Variants in SQSTM1 observed in about 807,000 individuals in gnomAD.
The protein encoded by SQSTM1 is sequestosome 1.
SQSTM1 carries 36 observed loss-of-function variants against 45.1 expected under a neutral mutation model. That is an observed-to-expected ratio of 0.80 (90% CI 0.61 to 1.05). SQSTM1 has a LOEUF of 1.05. Ranked by LOEUF, SQSTM1 falls within the 50% of genes least tolerant of loss-of-function variation. SQSTM1 has a pLI of 0.00. For missense variants in SQSTM1, 617 were observed against 607.1 expected (o/e 1.02, Z -0.17); for synonymous variants, 290 against 244.3 (o/e 1.19, Z -1.74).
chr5:179,810,719 T>A (rs1322216899), intron 1 of SQSTM1, among the ~76,000 whole-genome samples: 1 of 152,250 alleles, frequency 6.6e-6, no homozygotes, highest in Non-Finnish European at 1.5e-5. Context: ...TGAACTAGTT[T>A]ACAGTCCCAC....
rs1758599077 is a variant in SQSTM1 at position 179,837,012 on chromosome 5, T to C, written c.*419T>C. 4 of 617,750 alleles carry C rather than the reference T, an allele frequency of 6.5e-6. No individual in the cohort carries two copies. The highest frequency in any genetic ancestry group is 2.7e-5 in the East Asian group (1 of 36,634). 38.3% of individuals were successfully genotyped at this position (617,750 alleles called of 1,614,324 possible). On this transcript the variant is annotated 3_prime_UTR_variant, in exon 8 of 8. Coordinates refer to ENST00000389805, the MANE Select transcript of SQSTM1 (RefSeq NM_003900.5). The stretch of plus-strand genomic sequence containing the variant: ...TGGTACACTCTGATTTTAGATAAAG[T>C]AAGCCTAGGTGTTGTCAGCAGGCAG...
chr5:179,818,778 A>AG (rs1757658740), upstream of SQSTM1: 1 of 152,398 alleles, frequency 6.6e-6, no homozygotes, highest in Admixed American at 6.5e-5. Context: ...CCCATTTGAA[A>AG]GATGAGGAAA....
Position 179,836,751 on chromosome 5 carries a change from C to T in SQSTM1, c.*158C>T. On this transcript the variant is annotated 3_prime_UTR_variant, in exon 8 of 8. Coordinates refer to ENST00000389805, the MANE Select transcript of SQSTM1 (RefSeq NM_003900.5). ...CCATTTAGGGCAGCAAAACAAGTGA[C>T]ATGAAGGGAGGGTCCCTGTGTGTGT... 2.7e-6 allele frequency: 3 copies of T among 1,101,000 alleles called. No homozygotes were observed. Among genetic ancestry groups the T allele is most frequent in the African/African-American group, 1.5e-5 (1 of 64,964 alleles). The allele number at this position is 1,101,000 out of a possible 1,614,324, so 68.2% of individuals were successfully genotyped here. A position where few individuals can be genotyped will look rare whatever the true frequency, so the allele number is the denominator to read the frequency against.
At chr5:179,807,443 A>G (rs983433363) in intron 1 of SQSTM1, 1 of 152,248 alleles carries the variant, frequency 6.6e-6, no homozygotes, top group African/African-American at 2.4e-5. Flanking sequence ...TCTAGGCGGT[A>G]TCAGGGCCGA....
intron 5 of SQSTM1, among the ~76,000 whole-genome samples, chr5:179,832,599 C>T (rs1329072756): frequency 6.6e-6 from 1 of 152,242 alleles, no homozygotes; most frequent in Non-Finnish European, 1.5e-5. Context: ...CCTGGCCCCA[C>T]CTGCCGTGTG....
chr5:179,835,391 G>C (rs1582026867), intron 7 of SQSTM1: 1 of 161,514 alleles, frequency 6.2e-6, no homozygotes, highest in Non-Finnish European at 1.4e-5. Flanking sequence ...TCCAGCCTGG[G>C]CACCATTGAG....
intron 5 of SQSTM1, among the ~76,000 whole-genome samples, chr5:179,828,185 CTT>C (rs1758073564): frequency 1.3e-5 from 2 of 152,156 alleles, no homozygotes; most frequent in South Asian, 4.1e-4. Context: ...CCTGTCCAGT[CTT>C]ACGACAAGGC....
At chr5:179,829,067 C>G (rs892533574) in intron 5 of SQSTM1, among the ~76,000 whole-genome samples, 10 of 152,180 alleles carry the variant, frequency 6.6e-5, no homozygotes, top group African/African-American at 2.4e-4. Context: ...GGAGTGTCAG[C>G]TAGAGACTTC....
chr5:179,808,653 TA>T (rs1293072640), intron 1 of SQSTM1, among the ~76,000 whole-genome samples: 3 of 150,930 alleles, frequency 2.0e-5, no homozygotes, highest in African/African-American at 4.9e-5. Flanking sequence ...CCGTCTCTAC[TA>T]AAAAATACAA....
intron 1 of SQSTM1, chr5:179,822,736 A>T (rs1010097814): frequency 8.1e-6 from 5 of 614,376 alleles, no homozygotes; most frequent in Admixed American, 6.6e-5. Context: ...CGCCCCCTGC[A>T]TGTGGCTGTG....
chr5:179,828,986 G>A (rs1250867988), intron 5 of SQSTM1, among the ~76,000 whole-genome samples: 2 of 152,110 alleles, frequency 1.3e-5, no homozygotes, highest in Non-Finnish European at 2.9e-5. Context: ...CATCTGTTCA[G>A]GTACCAGGAA....
intron 5 of SQSTM1, among the ~76,000 whole-genome samples, chr5:179,831,390 A>T (rs552054763): frequency 6.6e-6 from 1 of 152,366 alleles, no homozygotes; most frequent in African/African-American, 2.4e-5. Context: ...GGCTGGGTGC[A>T]GTGGCTCATG....
At chr5:179,813,706 C>T (rs1291822003) in intron 2 of SQSTM1, 4 of 152,056 alleles carry the variant, frequency 2.6e-5, no homozygotes, top group Non-Finnish European at 5.9e-5. Flanking sequence ...ACAGTGAGCT[C>T]TAATTGCCAC....
At chr5:179,832,907 TAGC>T (rs1176156989) in intron 5 of SQSTM1, 122 bp from the exon 6 acceptor site, 4 of 980,428 alleles carry the variant, frequency 4.1e-6, no homozygotes, top group Non-Finnish European at 6.4e-6. Context: ...TCCAGACACT[TAGC>T]TGCTTGTGGG....
chr5:179,822,875 C>A, intron 1 of SQSTM1, 83 bp from the exon 2 acceptor site: 1 of 1,189,814 alleles, frequency 8.4e-7, no homozygotes, highest in Non-Finnish European at 1.3e-6. Context: ...GTGTCCCTTT[C>A]ATACTTGCCT....
chr5:179,806,670 G>GGCGGCGGCGGCAGGGGCC lies in SQSTM1; in HGVS notation c.-157+80_-157+97dup, dbSNP rs1233020014. The GGCGGCGGCGGCAGGGGCC allele has an allele frequency of 1.6e-6, 1 of 630,908 alleles. No homozygotes were observed. The highest frequency in any genetic ancestry group is 2.0e-5 in the African/African-American group (1 of 49,310). 39.1% of individuals were successfully genotyped at this position (630,908 alleles called of 1,614,324 possible). ...CGGGGCGCAGGGGTCGGAAGGCGGC[G>GGCGGCGGCGGCAGGGGCC]GCGGCGGCGGCAGGGGCCCCGGCCC... On this transcript the variant is annotated intron_variant, in intron 1 of 5. Transcript: ENST00000514093. The surrounding 1 kb of genome is among the most constrained non-coding windows in gnomAD (Gnocchi z 4.6).
At position 179,837,419 on chromosome 5, in the gene SQSTM1, G is replaced by A; in HGVS notation, c.*826G>A. The A allele has an allele frequency of 6.2e-7, 1 of 1,602,592 alleles. No homozygotes were observed. Among genetic ancestry groups the A allele is most frequent in the Middle Eastern group, 1.7e-4 (1 of 5,984 alleles). On this transcript the variant is annotated 3_prime_UTR_variant, in exon 8 of 8. Coordinates refer to ENST00000389805, the MANE Select transcript of SQSTM1 (RefSeq NM_003900.5). Reference sequence around the variant, plus strand: ...CACATCATCATCGAAGTCTTCCCCAGTTATAAAGAGGTCACATAGTCGTGT... The same window carrying A: ...CACATCATCATCGAAGTCTTCCCCAATTATAAAGAGGTCACATAGTCGTGT...
upstream of SQSTM1, among the ~76,000 whole-genome samples, chr5:179,817,062 C>G (rs1461949800): frequency 6.9e-6 from 1 of 144,412 alleles, no homozygotes; most frequent in East Asian, 2.3e-4. Flanking sequence ...AGGCCTTCCG[C>G]GGGCGTGCAC....
chr5:179,836,262 G>T (rs1428707572), intron 7 of SQSTM1, 174 bp from the exon 8 acceptor site: 2 of 813,844 alleles, frequency 2.5e-6, no homozygotes, highest in African/African-American at 3.3e-5. Context: ...GAAAAAGACT[G>T]CTTGGCCCTT....
Sources: gnomAD v4.1 joint callset for allele counts (sites outside exome capture counted in the v4.1 genomes callset) on GRCh38, gnomAD v4.1.1 for gene constraint, Gnocchi (gnomAD v3.1) non-coding constraint, MANE v1.5 for transcripts, NCBI Gene and HGNC (gene_info 2026-07-23, HGNC 2026-07-21) for gene names.